LRRC1: variants seen among roughly 807,000 people sequenced by gnomAD.
LRRC1 encodes leucine-rich repeat-containing protein 1.
In LRRC1, 28 loss-of-function variants were observed where a neutral mutation model predicts 69.9. The observed-to-expected ratio is 0.40, with a 90% confidence interval of 0.30 to 0.55. LRRC1 has a LOEUF of 0.55. Among genes scored for constraint, LRRC1 ranks in the 20% least tolerant of loss-of-function variants. The pLI, the probability that LRRC1 is intolerant of heterozygous loss-of-function variation, is 0.47. For synonymous variants in LRRC1, 236 were observed against 240.2 expected (o/e 0.98, Z 0.16); for missense variants, 498 against 609.0 (o/e 0.82, Z 1.92).
At chr6:53,824,762 G>A (rs973330106) in intron 1 of LRRC1, among the ~76,000 whole-genome samples, 1 of 152,160 alleles carries the variant, frequency 6.6e-6, no homozygotes, top group Non-Finnish European at 1.5e-5. Context: ...GTAGGAAGAG[G>A]GGAATGTGCA....
At chr6:53,809,098 T>C (rs1445086566) in intron 1 of LRRC1, among the ~76,000 whole-genome samples, 1 of 152,182 alleles carries the variant, frequency 6.6e-6, no homozygotes, top group Non-Finnish European at 1.5e-5. Flanking sequence ...TGAGCATTTG[T>C]TTTCTCATAG....
chr6:53,868,014 G>C (rs1766761505), intron 2 of LRRC1, among the ~76,000 whole-genome samples: 1 of 151,874 alleles, frequency 6.6e-6, no homozygotes, highest in South Asian at 2.1e-4. Flanking sequence ...CTGAGTGTTG[G>C]TACGTAGTAA....
At chr6:53,820,028 T>G (rs1157142572) in intron 1 of LRRC1, among the ~76,000 whole-genome samples, 1 of 152,200 alleles carries the variant, frequency 6.6e-6, no homozygotes, top group Non-Finnish European at 1.5e-5. Flanking sequence ...TCTCCATGAT[T>G]CTGTACAGAA....
rs146302992 is a variant in LRRC1 at position 53,868,138 on chromosome 6, T to C, written c.278-10855T>C. 3.3e-3 allele frequency among the ~76,000 whole-genome samples: 498 copies of C among 152,208 alleles called. 2 individuals carry two copies. The highest frequency in any genetic ancestry group is 0.011 in the African/African-American group (464 of 41,518). On this transcript the variant is annotated intron_variant, in intron 2 of 13. Coordinates refer to ENST00000370888, the MANE Select transcript of LRRC1 (RefSeq NM_018214.5). Reference sequence around the variant, plus strand: ...TAGTACTTTAAGGTACATAGATGGTTATTTAGGGTTTAATCATTATTGCTT... The same window carrying C: ...TAGTACTTTAAGGTACATAGATGGTCATTTAGGGTTTAATCATTATTGCTT...
intron 13 of LRRC1, 35 bp downstream of exon 13, chr6:53,920,796 T>C (rs747351598): frequency 6.2e-7 from 1 of 1,612,212 alleles, no homozygotes; most frequent in South Asian, 1.1e-5. Flanking sequence ...TCTGTGGAAG[T>C]TCAAAATTAA....
chr6:53,860,836 T>C (rs1040467305), intron 2 of LRRC1, among the ~76,000 whole-genome samples: 5 of 152,126 alleles, frequency 3.3e-5, no homozygotes, highest in Non-Finnish European at 5.9e-5. Flanking sequence ...GAAGTGTGGA[T>C]GGGAGCCATG....
At chr6:53,910,830 C>T (rs1768384786) in intron 10 of LRRC1, among the ~76,000 whole-genome samples, 1 of 152,200 alleles carries the variant, frequency 6.6e-6, no homozygotes, top group Admixed American at 6.5e-5. Context: ...ACCGCATCTC[C>T]CTCTGACGTC....
chr6:53,826,305 C>G (rs763286662), intron 1 of LRRC1, among the ~76,000 whole-genome samples: 1 of 151,712 alleles, frequency 6.6e-6, no homozygotes, highest in Non-Finnish European at 1.5e-5. Flanking sequence ...TTCTTACAAC[C>G]TAGAGCCTAA....
chr6:53,871,133 A>G (rs1412449092), intron 2 of LRRC1, among the ~76,000 whole-genome samples: 3 of 152,162 alleles, frequency 2.0e-5, no homozygotes, highest in Admixed American at 6.5e-5. Flanking sequence ...TGCTAATTTC[A>G]TATCCTTTAG....
intron 3 of LRRC1, among the ~76,000 whole-genome samples, chr6:53,880,437 T>A (rs1767252570): frequency 6.6e-6 from 1 of 152,184 alleles, no homozygotes; most frequent in Non-Finnish European, 1.5e-5. Flanking sequence ...CTATGTGCTA[T>A]GTGAGCCTCT....
At chr6:53,911,085 C>T (rs918135859) in intron 10 of LRRC1, among the ~76,000 whole-genome samples, 1 of 152,232 alleles carries the variant, frequency 6.6e-6, no homozygotes, top group Non-Finnish European at 1.5e-5. Context: ...GGAGGTCACA[C>T]TGCCTGCTTT....
chr6:53,819,018 C>G (rs775129552), intron 1 of LRRC1, among the ~76,000 whole-genome samples: 5 of 152,098 alleles, frequency 3.3e-5, no homozygotes, highest in Non-Finnish European at 5.9e-5. Flanking sequence ...AACTGCACTG[C>G]AGGCTGAGAG....
chr6:53,892,469 T>C (rs1419674329), intron 4 of LRRC1, among the ~76,000 whole-genome samples: 2 of 152,182 alleles, frequency 1.3e-5, no homozygotes, highest in East Asian at 3.8e-4. Context: ...TCTCTTGACC[T>C]TCTGATTAAG....
At position 53,923,003 on chromosome 6, in the gene LRRC1, T is replaced by C. The variant is rs534152381; in HGVS notation, c.*210T>C. On this transcript the variant is annotated 3_prime_UTR_variant, in exon 14 of 14. Coordinates refer to ENST00000370888, the MANE Select transcript of LRRC1 (RefSeq NM_018214.5). ...AGTGGTCTCCCGGTGTGATTTTTTTTTTTTTTAATTTCAGTTGTTTGTAAT... is the reference window on the plus strand; with the variant it reads ...AGTGGTCTCCCGGTGTGATTTTTTTCTTTTTTAATTTCAGTTGTTTGTAAT... 3.2e-4 allele frequency: 149 copies of C among 460,564 alleles called. No individual in the cohort carries two copies. The highest frequency in any genetic ancestry group is 2.6e-3 in the African/African-American group (136 of 51,684). The allele number at this position is 460,564 out of a possible 1,614,324, so 28.5% of individuals were successfully genotyped here.
chr6:53,862,286 C>CGTGTGTGTGTGTGTGTGT (rs6149589), intron 2 of LRRC1, among the ~76,000 whole-genome samples: 1 of 144,264 alleles, frequency 6.9e-6, no homozygotes, highest in African/African-American at 2.6e-5. Flanking sequence ...TAACCTGAAT[C>CGTGTGTGTGTGTGTGTGT]GTGTGTGTGT....
chr6:53,859,052 C>T lies in LRRC1; in HGVS notation c.277+16825C>T, dbSNP rs9474668. ...CATGTCAGGCACTGGGATATTATCA[C>T]AAGTATAGCAGAAGGAAGATTCTTG... On this transcript the variant is annotated intron_variant, in intron 2 of 13. Coordinates refer to ENST00000370888, the MANE Select transcript of LRRC1 (RefSeq NM_018214.5). Among the ~76,000 whole-genome samples the T allele has an allele frequency of 8.6e-3, 1,304 of 152,200 alleles. 25 individuals are homozygous for T. Among genetic ancestry groups the T allele is most frequent in the African/African-American group, 0.03 (1,239 of 41,494 alleles).
At chr6:53,838,469 A>G (rs1765674895) in intron 1 of LRRC1, among the ~76,000 whole-genome samples, 1 of 152,160 alleles carries the variant, frequency 6.6e-6, no homozygotes, top group Admixed American at 6.5e-5. Flanking sequence ...TAAGTACCTT[A>G]TTGACTTGAT....
intron 1 of LRRC1, among the ~76,000 whole-genome samples, chr6:53,799,452 C>A (rs1484070499): frequency 6.6e-6 from 1 of 152,152 alleles, no homozygotes; most frequent in Non-Finnish European, 1.5e-5. Context: ...GTTTCTTAGC[C>A]GTCATAATTC....
At chr6:53,846,309 T>C (rs1765942621) in intron 2 of LRRC1, among the ~76,000 whole-genome samples, 1 of 152,224 alleles carries the variant, frequency 6.6e-6, no homozygotes, top group Non-Finnish European at 1.5e-5. Flanking sequence ...TTATCTAAGC[T>C]GCAAGGATTT....
Sources: allele counts gnomAD v4.1 joint callset (sites outside exome capture counted in the v4.1 genomes callset), GRCh38; gene constraint gnomAD v4.1.1; transcripts MANE v1.5; gene names NCBI Gene and HGNC (gene_info 2026-07-23, HGNC 2026-07-21).